GDAP1: variants seen among roughly 807,000 people sequenced by gnomAD.
GDAP1 encodes ganglioside-induced differentiation-associated protein 1.
A neutral mutation model predicts 40.1 loss-of-function variants in GDAP1; 34 were observed. The observed-to-expected ratio is 0.85, with a 90% CI of 0.64 to 1.13. The LOEUF (loss-of-function observed/expected upper bound fraction) is 1.13. GDAP1 is among the 50% of genes most tolerant of loss of function. GDAP1 has a pLI of 0.00. For missense variants in GDAP1, 374 were observed against 433.7 expected, an observed-to-expected ratio of 0.86 and a Z score of 1.22; for synonymous variants, 170 against 157.4, an observed-to-expected ratio of 1.08 and a Z score of -0.60.
At chr8:74,486,484 G>A (rs758365052) in intron 2 of GDAP1, among the ~76,000 whole-genome samples, 4 of 152,114 alleles carry the variant, frequency 2.6e-5, no homozygotes, top group Non-Finnish European at 5.9e-5. Flanking sequence ...TGCACTTCAC[G>A]AATAAATTAG....
intron 2 of GDAP1, among the ~76,000 whole-genome samples, chr8:74,429,719 T>A (rs1163881437): frequency 1.3e-5 from 2 of 152,152 alleles, no homozygotes; most frequent in African/African-American, 4.8e-5. Context: ...TATTTACAAA[T>A]ACAGTCATAC....
At chr8:74,471,238 G>A (rs1314223191) in intron 2 of GDAP1, among the ~76,000 whole-genome samples, 2 of 152,056 alleles carry the variant, frequency 1.3e-5, no homozygotes, top group Admixed American at 1.3e-4. Context: ...CTGTGCAGAA[G>A]CTCTTTAGTT....
intron 2 of GDAP1, among the ~76,000 whole-genome samples, chr8:74,382,379 T>TTTTC (rs1046581449): frequency 1.3e-5 from 2 of 151,086 alleles, no homozygotes; most frequent in African/African-American, 4.9e-5. Context: ...GCTAGTGGTT[T>TTTTC]TTTTTTTTTT....
intron 2 of GDAP1, among the ~76,000 whole-genome samples, chr8:74,378,087 A>G (rs1473633571): frequency 6.6e-6 from 1 of 152,234 alleles, no homozygotes; most frequent in Non-Finnish European, 1.5e-5. Context: ...CCTATGTCTG[A>G]CATGAGTGAG....
chr8:74,461,993 T>A (rs1330043192), intron 2 of GDAP1, among the ~76,000 whole-genome samples: 1 of 152,268 alleles, frequency 6.6e-6, no homozygotes, highest in African/African-American at 2.4e-5. Context: ...TATGAAATCA[T>A]AGTATCACTG....
chr8:74,458,863 G>GCTATGGTAGAA (rs60898988), intron 2 of GDAP1, among the ~76,000 whole-genome samples: 3 of 151,754 alleles, frequency 2.0e-5, no homozygotes, highest in Admixed American at 6.6e-5. Flanking sequence ...ACACACACCA[G>GCTATGGTAGAA]GTGGGGATTT....
intron 2 of GDAP1, among the ~76,000 whole-genome samples, chr8:74,446,487 A>T (rs977004583): frequency 2.0e-5 from 3 of 152,190 alleles, no homozygotes; most frequent in Non-Finnish European, 4.4e-5. Context: ...GAAACTACAA[A>T]GAGGAAATTT....
At position 74,447,932 on chromosome 8, in the gene GDAP1, A is replaced by G. The variant is rs143840520; in HGVS notation, c.166-40746A>G. Among the ~76,000 whole-genome samples the G allele has an allele frequency of 4.7e-3, 714 of 152,322 alleles. 8 individuals are homozygous for G. Among genetic ancestry groups the G allele is most frequent in the African/African-American group, 0.016 (677 of 41,568 alleles). On this transcript the variant is annotated intron_variant, in intron 2 of 2. Transcript: ENST00000523640. ...CCAAGGTATTTCATCGTGTATATGC[A>G]AATATTCCTAAATAAAAACAATTCT... is the stretch of plus-strand genomic sequence containing the variant.
intron 2 of GDAP1, among the ~76,000 whole-genome samples, chr8:74,356,771 G>A (rs1809122943): frequency 6.9e-6 from 1 of 144,176 alleles, no homozygotes; most frequent in African/African-American, 2.5e-5. Flanking sequence ...CTGGAGTGCA[G>A]TGGCGCAATC....
chr8:74,418,951 A>G (rs1463889225), intron 2 of GDAP1, among the ~76,000 whole-genome samples: 1 of 152,248 alleles, frequency 6.6e-6, no homozygotes, highest in Non-Finnish European at 1.5e-5. Flanking sequence ...ATTAATTGTT[A>G]AAGAAATTCA....
chr8:74,422,283 T>TC (rs1306724777), intron 2 of GDAP1, among the ~76,000 whole-genome samples: 7 of 140,444 alleles, frequency 5.0e-5, no homozygotes, highest in South Asian at 2.4e-4. Context: ...TTTTCTTTTT[T>TC]CTTTTCTTTC....
At chr8:74,376,371 T>C (rs372206859) in intron 2 of GDAP1, among the ~76,000 whole-genome samples, 4 of 141,042 alleles carry the variant, frequency 2.8e-5, no homozygotes, top group Non-Finnish European at 4.6e-5. Context: ...TTTTTTGAGA[T>C]GGAGTCTCAC....
downstream of GDAP1, among the ~76,000 whole-genome samples, chr8:74,371,488 G>A (rs979187202): frequency 3.3e-5 from 5 of 151,720 alleles, no homozygotes; most frequent in East Asian, 1.9e-4. Context: ...GTGAAACCCC[G>A]TCTCTACTAA....
At chr8:74,446,411 G>A (rs1246980645) in intron 2 of GDAP1, among the ~76,000 whole-genome samples, 3 of 152,046 alleles carry the variant, frequency 2.0e-5, no homozygotes, top group Admixed American at 6.6e-5. Context: ...GTCTGTGATG[G>A]GTGCTGGAGA....
chr8:74,383,464 G>A (rs1809983469), intron 2 of GDAP1, among the ~76,000 whole-genome samples: 1 of 152,164 alleles, frequency 6.6e-6, no homozygotes, highest in African/African-American at 2.4e-5. Context: ...GGACCTGGCT[G>A]CATTTTGAGT....
chr8:74,366,532 T>A lies in GDAP1; in HGVS notation c.*2165T>A. The A allele has an allele frequency of 2.2e-6, 1 of 454,142 alleles. No individual in the cohort carries two copies. The highest frequency in any genetic ancestry group is 4.4e-6 in the Non-Finnish European group (1 of 226,692). The allele number at this position is 454,142 out of a possible 1,614,324, so 28.1% of individuals were successfully genotyped here. On this transcript the variant is annotated 3_prime_UTR_variant, in exon 6 of 6. Coordinates refer to ENST00000220822, the MANE Select transcript of GDAP1 (RefSeq NM_018972.4). ...ACAGTATTAGCTAAATAGGCACTTATGTGTATTTTCTTTTTCATGATTATC... is the reference window on the plus strand; with the variant it reads ...ACAGTATTAGCTAAATAGGCACTTAAGTGTATTTTCTTTTTCATGATTATC...
rs77352871 is a variant in GDAP1 at position 74,444,587 on chromosome 8, T to C, written c.166-44091T>C. Among the ~76,000 whole-genome samples the C allele has an allele frequency of 8.8e-4, 134 of 152,320 alleles. 2 individuals carry two copies. In the East Asian group the frequency reaches 0.025, roughly 28 times the overall value. ...CAGACTTGAATTTTGGTCACATTTG[T>C]TTCAATTAAAGATCTGTAAAATTTC... On this transcript the variant is annotated intron_variant, in intron 2 of 2. Transcript: ENST00000523640.
intron 2 of GDAP1, among the ~76,000 whole-genome samples, chr8:74,381,479 G>T (rs1187932732): frequency 2.0e-5 from 3 of 152,126 alleles, no homozygotes; most frequent in Non-Finnish European, 4.4e-5. Flanking sequence ...AGTAGGGCTG[G>T]GTATGGTGGC....
At chr8:74,388,298 T>C (rs555862490) in intron 2 of GDAP1, among the ~76,000 whole-genome samples, 1 of 152,356 alleles carries the variant, frequency 6.6e-6, no homozygotes, top group African/African-American at 2.4e-5. Flanking sequence ...TCTTTCCCAC[T>C]ATCTAATGTG....
Sources: gnomAD v4.1 joint callset for allele counts (sites outside exome capture counted in the v4.1 genomes callset) on GRCh38, gnomAD v4.1.1 for gene constraint, MANE v1.5 for transcripts, NCBI Gene and HGNC (gene_info 2026-07-23, HGNC 2026-07-21) for gene names.